The following DYSF variants were observed in gnomAD, a reference collection of about 807,000 sequenced individuals.
DYSF encodes the protein dystrophy-associated fer-1-like 1.
A neutral mutation model predicts 274.9 loss-of-function variants in DYSF; 212 were observed. The observed-to-expected ratio is 0.77, with a 90% CI of 0.69 to 0.86. The LOEUF (loss-of-function observed/expected upper bound fraction) is 0.86, where lower values mean the gene tolerates loss of function less well. Ranked by LOEUF, DYSF falls within the 40% of genes least tolerant of loss-of-function variation. The probability of loss-of-function intolerance (pLI) is 0.00; values close to 1 mark genes in which losing one functional copy is unlikely to be tolerated. For missense variants in DYSF, 2,666 were observed against 2,783.2 expected (o/e 0.96, Z 0.95); for synonymous variants, 1,091 against 1,078.7 (o/e 1.01, Z -0.22).
intron 51 of DYSF, among the ~76,000 whole-genome samples, chr2:71,673,091 C>T (rs1229454233): frequency 1.3e-5 from 2 of 152,224 alleles, no homozygotes; most frequent in Non-Finnish European, 2.9e-5. Context: ...TTTTCCCCTG[C>T]AGAGTTGGGT....
intron 17 of DYSF, among the ~76,000 whole-genome samples, chr2:71,550,319 A>G (rs2090838718): frequency 6.6e-6 from 1 of 152,250 alleles, no homozygotes; most frequent in Admixed American, 6.5e-5. Context: ...CCAGAAAAGG[A>G]TGAAAGAATG....
intron 30 of DYSF, 119 bp downstream of exon 30, chr2:71,574,490 G>A: frequency 7.9e-7 from 1 of 1,269,220 alleles, no homozygotes; most frequent in Non-Finnish European, 1.1e-6. Flanking sequence ...ATGGAACGCT[G>A]GCTGGTCATC....
intron 1 of DYSF, chr2:71,454,164 G>A: frequency 7.2e-7 from 1 of 1,382,688 alleles, no homozygotes; most frequent in Non-Finnish European, 1.0e-6. Flanking sequence ...ACCCTGGAGA[G>A]CACCTAGAGC....
At chr2:71,531,993 T>C (rs2088777466) in intron 14 of DYSF, among the ~76,000 whole-genome samples, 1 of 152,224 alleles carries the variant, frequency 6.6e-6, no homozygotes, top group Admixed American at 6.5e-5. Context: ...CAGCATTCAC[T>C]AATTCAGGGT....
chr2:71,652,270 A>G (rs2094678713), intron 42 of DYSF, among the ~76,000 whole-genome samples: 1 of 152,228 alleles, frequency 6.6e-6, no homozygotes, highest in Non-Finnish European at 1.5e-5. Context: ...ATTGGTCCAT[A>G]TCTTCTAACC....
At chr2:71,667,657 G>GT in intron 48 of DYSF, 142 bp downstream of exon 48, 1 of 1,345,758 alleles carries the variant, frequency 7.4e-7, no homozygotes, top group Non-Finnish European at 1.0e-6. Flanking sequence ...CACAGTCTGA[G>GT]TGCGGCCATG....
At chr2:71,574,790 C>T (rs2092645925) in intron 30 of DYSF, among the ~76,000 whole-genome samples, 1 of 152,206 alleles carries the variant, frequency 6.6e-6, no homozygotes, top group East Asian at 1.9e-4. Context: ...ATCTCATGGT[C>T]ATCCCCAGCA....
intron 17 of DYSF, chr2:71,549,451 G>C (rs906339024): frequency 3.2e-6 from 5 of 1,546,254 alleles, no homozygotes; most frequent in Non-Finnish European, 4.4e-6. Flanking sequence ...TTGGCTAGAG[G>C]GGCGAGGGTG....
chr2:71,486,867 C>G (rs769003369), intron 3 of DYSF, among the ~76,000 whole-genome samples: 5 of 152,186 alleles, frequency 3.3e-5, no homozygotes, highest in Non-Finnish European at 7.3e-5. Context: ...CCTGTTTACT[C>G]GAGGCTTCTC....
chr2:71,484,350 G>A (rs767049820), intron 3 of DYSF, among the ~76,000 whole-genome samples: 25 of 152,052 alleles, frequency 1.6e-4, no homozygotes, highest in Non-Finnish European at 3.4e-4. Flanking sequence ...ACCATGCCTG[G>A]CCAGAGATTT....
intron 36 of DYSF, among the ~76,000 whole-genome samples, chr2:71,609,254 C>T (rs1049385657): frequency 3.3e-5 from 5 of 152,232 alleles, no homozygotes; most frequent in African/African-American, 1.2e-4. Context: ...GCAGCCCTGT[C>T]CATCACCCCT....
Position 71,590,219 on chromosome 2 carries a change from C to T in DYSF, c.3505C>T (p.Arg1169Cys), listed in dbSNP as rs200719174. 118 of 1,613,988 alleles carry T rather than the reference C, an allele frequency of 7.3e-5. No homozygotes were observed. The highest frequency in any genetic ancestry group is 9.9e-5 in the South Asian group (9 of 91,080). The change falls in exon 32 of 56, where the codon CGC becomes TGC. Residue 1169 changes from arginine (R) to cysteine (C), a missense_variant. Physicochemically the swap from Arg to Cys is radical, Grantham distance 180 (BLOSUM62 -3). Transcript: ENST00000410020. ...TISCIFDYGN[R>C]YHLRCYMYQA... ...TTTTTCCCTTGGTGAAGATGGGAAC[C>T]GCTACCATCTACGCTGCTACATGTA...
At position 71,513,414 on chromosome 2, in the gene DYSF, C is replaced by T. The variant is rs535921670; in HGVS notation, c.553+82C>T. On this transcript the variant is annotated intron_variant, in intron 6 of 55. Coordinates refer to ENST00000410020, the MANE Select transcript of DYSF (RefSeq NM_001130987.2). ...AGCTGCCATGGTCAGCTTGCTGGAG[C>T]GGGGCCAGGTGGCAGAGGACTCCTC... 13 of 1,449,604 alleles carry T rather than the reference C, an allele frequency of 9.0e-6. No homozygotes were observed. The Admixed American group carries it at 1.2e-4, about 14-fold the overall frequency. 89.8% of individuals were successfully genotyped at this position (1,449,604 alleles called of 1,614,324 possible).
intron 17 of DYSF, chr2:71,549,315 C>T: frequency 6.2e-7 from 1 of 1,608,042 alleles, no homozygotes; most frequent in South Asian, 1.1e-5. Flanking sequence ...CAGCCATGCC[C>T]ACCCTAACCC....
intron 22 of DYSF, among the ~76,000 whole-genome samples, chr2:71,559,886 G>T (rs1277149212): frequency 6.6e-6 from 1 of 152,240 alleles, no homozygotes; most frequent in Non-Finnish European, 1.5e-5. Flanking sequence ...TGCTCACTAG[G>T]AGTGAAATGA....
intron 5 of DYSF, 147 bp downstream of exon 5, chr2:71,512,068 T>G: frequency 3.1e-6 from 2 of 650,788 alleles, no homozygotes; most frequent in Non-Finnish European, 5.7e-6. Flanking sequence ...AAGAAGAGGG[T>G]GCAGTGGGTG....
chr2:71,630,301 C>A (rs1487856320), intron 41 of DYSF, among the ~76,000 whole-genome samples: 1 of 152,204 alleles, frequency 6.6e-6, no homozygotes, highest in African/African-American at 2.4e-5. Flanking sequence ...TGGGGCTATT[C>A]TTCTGGGCTG....
At chr2:71,493,960 A>G (rs1026224848) in intron 3 of DYSF, among the ~76,000 whole-genome samples, 16 of 151,998 alleles carry the variant, frequency 1.1e-4, no homozygotes, top group African/African-American at 3.9e-4. Context: ...ATCCTTGGCT[A>G]TAAAAATCAA....
Position 71,556,087 on chromosome 2 carries a change from C to A in DYSF, c.2216+16C>A, listed in dbSNP as rs111389127. 3 of 1,548,660 alleles carry A rather than the reference C, an allele frequency of 1.9e-6. No individual in the cohort carries two copies. The highest frequency in any genetic ancestry group is 1.4e-5 in the African/African-American group (1 of 73,658). ...CAGGCTGCAGGTAGGGGGGACCTGG[C>A]GCCCCTGGTGCCCACCTCTCCTGGC... On this transcript the variant is annotated intron_variant, in intron 22 of 55. Transcript: ENST00000410020.
Sources: gnomAD v4.1 joint callset for allele counts (sites outside exome capture counted in the v4.1 genomes callset) on GRCh38, gnomAD v4.1.1 for gene constraint, MANE v1.5 for transcripts, NCBI Gene and HGNC (gene_info 2026-07-23, HGNC 2026-07-21) for gene names.